Variants in JAKMIP3 observed in about 807,000 individuals in gnomAD.
JAKMIP3 encodes Janus kinase and microtubule interacting protein 3, also known as janus kinase and microtubule-interacting protein 3.
JAKMIP3 carries 58 observed loss-of-function variants against 118.5 expected under a neutral mutation model. The observed-to-expected ratio is 0.49, with a 90% CI of 0.40 to 0.61. The LOEUF (loss-of-function observed/expected upper bound fraction) is 0.61, where lower values mean the gene tolerates loss of function less well. Among genes scored for constraint, JAKMIP3 ranks in the 20% least tolerant of loss-of-function variants. The probability of loss-of-function intolerance (pLI) is 0.00; values close to 1 mark genes in which losing one functional copy is unlikely to be tolerated. For missense variants in JAKMIP3, 950 were observed against 1,109.0 expected, an observed-to-expected ratio of 0.86 and a Z score of 2.04; for synonymous variants, 486 against 451.2, an observed-to-expected ratio of 1.08 and a Z score of -0.98.
intron 2 of JAKMIP3, among the ~76,000 whole-genome samples, chr10:132,115,272 C>T (rs1008671495): frequency 1.4e-5 from 2 of 142,956 alleles, no homozygotes; most frequent in African/African-American, 2.5e-5. Context: ...TCACCGCGAT[C>T]GCGGCTAGGG....
chr10:132,114,677 G>A (rs1218311771), intron 2 of JAKMIP3, among the ~76,000 whole-genome samples: 2 of 152,162 alleles, frequency 1.3e-5, no homozygotes, highest in Non-Finnish European at 2.9e-5. Flanking sequence ...TGAATCTATA[G>A]ATCAATTTGG....
chr10:132,159,183 TGTGGGGGCATCTCTCCCTGTGTGATGC>T (rs1356786696), intron 19 of JAKMIP3, among the ~76,000 whole-genome samples: 7 of 11,164 alleles, frequency 6.3e-4, no homozygotes, highest in Non-Finnish European at 9.8e-4. Flanking sequence ...TGTGTGATGT[TGTGGGGGCATCTCTCCCTGTGTGATGC>T]TGTGGGGGCA....
chr10:132,157,501 G>T (rs1489086232), intron 19 of JAKMIP3, among the ~76,000 whole-genome samples: 1 of 152,118 alleles, frequency 6.6e-6, no homozygotes, highest in Non-Finnish European at 1.5e-5. Flanking sequence ...AAGTTATTTG[G>T]AATGACCAAA....
chr10:132,125,147 C>T lies in JAKMIP3; in HGVS notation c.633+7573C>T, dbSNP rs183499863. ...GTGTCCGGTTTGGACATCCTCTGCCCCTCCGAGGGCGTGAAGTTGCCCCCT... is the reference window on the plus strand; with the variant it reads ...GTGTCCGGTTTGGACATCCTCTGCCTCTCCGAGGGCGTGAAGTTGCCCCCT... On this transcript the variant is annotated intron_variant, in intron 3 of 23. Transcript: ENST00000684848. Among the ~76,000 whole-genome samples the T allele has an allele frequency of 1.7e-3, 261 of 152,332 alleles. 2 individuals carry two copies. Among genetic ancestry groups the T allele is most frequent in the African/African-American group, 6.1e-3 (252 of 41,566 alleles).
intron 23 of JAKMIP3, among the ~76,000 whole-genome samples, chr10:132,172,538 A>G (rs1452633763): frequency 6.6e-6 from 1 of 151,670 alleles, no homozygotes; most frequent in Non-Finnish European, 1.5e-5. Context: ...ATTGGTTAGA[A>G]TTTTCCTATA....
At chr10:132,164,172 TG>T in intron 20 of JAKMIP3, among the ~76,000 whole-genome samples, 1 of 152,362 alleles carries the variant, frequency 6.6e-6, no homozygotes, top group Non-Finnish European at 1.5e-5. Context: ...ATTAGCCTCC[TG>T]GGCCTCTTTG....
chr10:132,133,078 C>A (rs1398520860), intron 3 of JAKMIP3, among the ~76,000 whole-genome samples: 1 of 152,214 alleles, frequency 6.6e-6, no homozygotes, highest in East Asian at 1.9e-4. Flanking sequence ...CGGGGACCGT[C>A]AGGAAGGAGT....
intron 1 of JAKMIP3, among the ~76,000 whole-genome samples, chr10:132,055,586 C>T (rs1002189989): frequency 1.3e-5 from 2 of 152,312 alleles, no homozygotes; most frequent in African/African-American, 4.8e-5. Flanking sequence ...GATGTGTGTG[C>T]GCAGTTTGCC....
intron 19 of JAKMIP3, among the ~76,000 whole-genome samples, chr10:132,154,610 C>T (rs2136237677): frequency 6.6e-6 from 1 of 152,326 alleles, no homozygotes; most frequent in East Asian, 1.9e-4. Flanking sequence ...AGACAAGTGT[C>T]ACCACCAAGA....
At chr10:132,121,442 C>A (rs371568975) in intron 3 of JAKMIP3, among the ~76,000 whole-genome samples, 1 of 152,212 alleles carries the variant, frequency 6.6e-6, no homozygotes, top group African/African-American at 2.4e-5. Context: ...TAGCACGGGC[C>A]GGCACCTGAG....
At chr10:132,115,022 T>C (rs75718056) in intron 2 of JAKMIP3, among the ~76,000 whole-genome samples, 4,784 of 152,356 alleles carry the variant, frequency 0.031, 238 homozygotes, top group African/African-American at 0.11. Context: ...GGGAAAAGCA[T>C]GGTGAGTGGC....
chr10:132,152,314 A>G (rs911768549), intron 16 of JAKMIP3, among the ~76,000 whole-genome samples: 1 of 152,152 alleles, frequency 6.6e-6, no homozygotes, highest in African/African-American at 2.4e-5. Flanking sequence ...AGCTGGCAAG[A>G]ATCAGAGAGG....
chr10:132,061,152 G>A (rs939113704), upstream of JAKMIP3, among the ~76,000 whole-genome samples: 2 of 152,182 alleles, frequency 1.3e-5, no homozygotes, highest in African/African-American at 4.8e-5. Context: ...TAGTTGTGAT[G>A]AGGAAAGGTA....
chr10:132,147,969 G>A lies in JAKMIP3; in HGVS notation c.1767G>A (p.Thr589=), dbSNP rs79567248. ...ELVEKIKQME[T]EEARLRHEVQ... ...TGTTGCAGATCAAACAAATGGAGAC[G>A]GAAGAGGCTCGGCTCAGACACGAGG... The change falls in exon 14 of 24, where the codon ACG becomes ACA. Residue 589 remains threonine (T), a synonymous_variant. Transcript: ENST00000684848. 263 of 1,608,430 alleles carry A rather than the reference G, an allele frequency of 1.6e-4. 3 individuals are homozygous for A. In the East Asian group the frequency reaches 2.6e-3, roughly 16 times the overall value.
intron 1 of JAKMIP3, among the ~76,000 whole-genome samples, chr10:132,067,804 A>G (rs1242838141): frequency 7.4e-6 from 1 of 134,946 alleles, no homozygotes; most frequent in African/African-American, 2.9e-5. Context: ...TTCCGTGTGG[A>G]CTGTGGGCTT....
At chr10:132,043,669 C>A (rs1012745286) in intron 1 of JAKMIP3, among the ~76,000 whole-genome samples, 2 of 152,204 alleles carry the variant, frequency 1.3e-5, no homozygotes, top group Non-Finnish European at 2.9e-5. Flanking sequence ...TGGACACAGG[C>A]AAGCCCGAGG....
At chr10:132,078,636 C>T (rs1170322842) in intron 1 of JAKMIP3, among the ~76,000 whole-genome samples, 1 of 141,220 alleles carries the variant, frequency 7.1e-6, no homozygotes, top group Non-Finnish European at 1.5e-5. Flanking sequence ...GGGGGGGGGT[C>T]CCGTTTCTGG....
rs1171030523 is a variant in JAKMIP3, at chr10:132,133,167, C to A, written c.634-145C>A. On this transcript the variant is annotated intron_variant, in intron 3 of 23. Transcript: ENST00000684848. Reference sequence around the variant, plus strand: ...CCGGGTGTCGTGCCTCAGCCCAGGGCCACGGGCTCCTGCTCTTAGTCCAGG... The same window carrying A: ...CCGGGTGTCGTGCCTCAGCCCAGGGACACGGGCTCCTGCTCTTAGTCCAGG... 3 of 703,046 alleles carry A rather than the reference C, an allele frequency of 4.3e-6. No individual in the cohort carries two copies. The East Asian group carries it at 8.2e-5, about 19-fold the overall frequency. The allele number at this position is 703,046 out of a possible 1,614,324, so 43.6% of individuals were successfully genotyped here. A position where few individuals can be genotyped will look rare whatever the true frequency, so the allele number is the denominator to read the frequency against.
rs572152219 is a variant in JAKMIP3 at position 132,045,237 on chromosome 10, C to G, written c.-138+8499C>G. ...CATCCTCACGGGTGAGCAGGTGGCTCGCTGCAGCTGGGTCTGCGTTTCCCC... is the reference window on the plus strand; with the variant it reads ...CATCCTCACGGGTGAGCAGGTGGCTGGCTGCAGCTGGGTCTGCGTTTCCCC... On this transcript the variant is annotated intron_variant, in intron 1 of 23. Transcript: ENST00000657785. 3.2e-4 allele frequency among the ~76,000 whole-genome samples: 48 copies of G among 152,204 alleles called. No individual in the cohort carries two copies. The South Asian group carries it at 7.9e-3, about 25-fold the overall frequency.
Sources: gnomAD v4.1 joint callset for allele counts (sites outside exome capture counted in the v4.1 genomes callset) on GRCh38, gnomAD v4.1.1 for gene constraint, MANE v1.5 for transcripts, NCBI Gene and HGNC (gene_info 2026-07-23, HGNC 2026-07-21) for gene names.